The following DRGX variants were observed in gnomAD, a reference collection of about 807,000 sequenced individuals.
DRGX encodes the protein dorsal root ganglia homeobox protein.
A neutral mutation model predicts 28.6 loss-of-function variants in DRGX; 21 were observed. The ratio of observed to expected loss-of-function variants is 0.73; its 90% CI spans 0.52 to 1.06. The LOEUF is 1.06. Ranked by LOEUF, DRGX falls within the 50% of genes least tolerant of loss-of-function variation. DRGX has a pLI of 0.00. For synonymous variants in DRGX, 136 were observed against 139.1 expected (o/e 0.98, Z 0.16); for missense variants, 354 against 343.9 (o/e 1.03, Z -0.23).
intron 3 of DRGX, 140 bp downstream of exon 3, chr10:49,391,024 A>G: frequency 1.0e-6 from 1 of 977,994 alleles, no homozygotes; most frequent in South Asian, 1.6e-5. Context: ...TCCATGGCAC[A>G]TAAGTTGTTC....
Position 49,386,832 on chromosome 10 carries a change from T to C in DRGX, c.261A>G (p.Lys87=), listed in dbSNP as rs760155739. 6.3e-7 allele frequency: 1 copy of C among 1,578,084 alleles called. No homozygotes were observed. The highest frequency in any genetic ancestry group is 2.2e-5 in the East Asian group (1 of 44,500). The part of the protein sequence containing the change: ...VQVWFQNRRA[K]WRKTERGASD... ...AGGCCCCTCTCTCTGTCTTCCTCCA[T>C]TTGGCCCTTCTGTTCTGGAACCAAA... The change falls in exon 5 of 7, where the codon AAA becomes AAG. Residue 87 remains lysine (K), a synonymous_variant. Coordinates refer to ENST00000374139, the MANE Select transcript of DRGX (RefSeq NM_001276451.2).
At chr10:49,368,380 C>T (rs572415015) in intron 6 of DRGX, among the ~76,000 whole-genome samples, 1 of 152,360 alleles carries the variant, frequency 6.6e-6, no homozygotes, top group African/African-American at 2.4e-5. Context: ...CACACACGCA[C>T]AGTGTGCAAG....
chr10:49,387,377 G>A (rs1472983786), intron 4 of DRGX, among the ~76,000 whole-genome samples: 1 of 152,090 alleles, frequency 6.6e-6, no homozygotes, highest in Middle Eastern at 3.2e-3. Context: ...ATTGACTCTG[G>A]GTCAGGCGTG....
At chr10:49,394,945 G>A (rs1849948875) in intron 2 of DRGX, among the ~76,000 whole-genome samples, 1 of 152,236 alleles carries the variant, frequency 6.6e-6, no homozygotes, top group Non-Finnish European at 1.5e-5. Flanking sequence ...CAGTGTTCTC[G>A]CCAGCGGCCC....
chr10:49,395,309 A>C, intron 2 of DRGX, 98 bp downstream of exon 2: 1 of 1,450,190 alleles, frequency 6.9e-7, no homozygotes, highest in Admixed American at 2.0e-5. Flanking sequence ...CGCCCCCCGC[A>C]GGGCGGGGAC....
chr10:49,366,233 G>A lies in DRGX; in HGVS notation c.675C>T (p.Asn225=), dbSNP rs1363677284. ...EHSEAVLQSA[N]LLPSTSSSPG... ...GGCTGCTGCTGGTGGAAGGCAGGAGGTTGGCTGACTGCAGGACAGCTTCTG... is the reference window on the plus strand; with the variant it reads ...GGCTGCTGCTGGTGGAAGGCAGGAGATTGGCTGACTGCAGGACAGCTTCTG... Residue 225 remains asparagine (N), a synonymous_variant, in exon 7 of 7, where the codon AAC becomes AAT. Transcript: ENST00000374139. 2 of 1,613,908 alleles carry A rather than the reference G, an allele frequency of 1.2e-6. No individual in the cohort carries two copies. Among genetic ancestry groups the A allele is most frequent in the South Asian group, 2.2e-5 (2 of 91,080 alleles).
chr10:49,385,908 G>A (rs367676890), intron 6 of DRGX, among the ~76,000 whole-genome samples: 1 of 152,116 alleles, frequency 6.6e-6, no homozygotes, highest in African/African-American at 2.4e-5. Flanking sequence ...CAGTGAGTCT[G>A]CTCAGAAATC....
intron 2 of DRGX, among the ~76,000 whole-genome samples, chr10:49,394,232 T>C (rs1372945908): frequency 6.6e-6 from 1 of 152,180 alleles, no homozygotes; most frequent in African/African-American, 2.4e-5. Context: ...TGGTCCTCAT[T>C]AGCCTCCTTT....
At chr10:49,367,768 C>A (rs1338170442) in intron 6 of DRGX, among the ~76,000 whole-genome samples, 1 of 152,244 alleles carries the variant, frequency 6.6e-6, no homozygotes, top group African/African-American at 2.4e-5. Context: ...AGCTCCCCTG[C>A]AGTCCTGGAC....
In DRGX at chr10:49,394,743, A is replaced by G. The variant is rs183046790; in HGVS notation, c.34+664T>C. On this transcript the variant is annotated intron_variant, in intron 2 of 6. Coordinates refer to ENST00000374139, the MANE Select transcript of DRGX (RefSeq NM_001276451.2). ...AGGGGAAATTTCTTCTCAGGCCTGG[A>G]GACACTCAAAGATGGAAATTCTGGC... is the stretch of plus-strand genomic sequence containing the variant. Among the ~76,000 whole-genome samples the G allele has an allele frequency of 1.7e-3, 255 of 152,330 alleles. 1 individual carries two copies. The highest frequency in any genetic ancestry group is 5.9e-3 in the African/African-American group (244 of 41,570).
chr10:49,366,299 C>T lies in DRGX; in HGVS notation c.609G>A (p.Thr203=), dbSNP rs748609775. The change falls in exon 7 of 7, where the codon ACG becomes ACA. Residue 203 remains threonine, a synonymous_variant. Transcript: ENST00000374139. The part of the protein sequence containing the change: ...LPTYGCQSNR[T]ASVATLRMKA... ...TCATGCGCAGGGTGGCCACGCTGGC[C>T]GTGCGGTTACTCTGGCAGCCATAGG... is the stretch of plus-strand genomic sequence containing the variant. The T allele has an allele frequency of 6.2e-6, 10 of 1,613,742 alleles. No individual in the cohort carries two copies. In the African/African-American group the frequency reaches 6.7e-5, roughly 11 times the overall value.
intron 6 of DRGX, among the ~76,000 whole-genome samples, chr10:49,367,209 A>T (rs1377590320): frequency 6.6e-6 from 1 of 152,114 alleles, no homozygotes; most frequent in African/African-American, 2.4e-5. Context: ...AAAATAAAAA[A>T]TAAATTAACC....
chr10:49,385,133 A>G (rs1034271020), intron 6 of DRGX, among the ~76,000 whole-genome samples: 6 of 152,218 alleles, frequency 3.9e-5, no homozygotes, highest in African/African-American at 1.4e-4. Flanking sequence ...AATATGTCCC[A>G]ATGTTGCTCT....
At chr10:49,384,020 G>A (rs1328906411) in intron 6 of DRGX, among the ~76,000 whole-genome samples, 2 of 152,246 alleles carry the variant, frequency 1.3e-5, no homozygotes, top group Non-Finnish European at 2.9e-5. Flanking sequence ...ACAATCAGCT[G>A]GCTGAGCAAC....
intron 2 of DRGX, 103 bp from the exon 3 acceptor site, chr10:49,391,364 A>G: frequency 1.2e-6 from 1 of 849,566 alleles, no homozygotes; most frequent in Non-Finnish European, 1.9e-6. Context: ...CCAGACAGGA[A>G]GCCCTGTTTG....
At chr10:49,393,022 C>T (rs1744158210) in intron 2 of DRGX, among the ~76,000 whole-genome samples, 1 of 151,854 alleles carries the variant, frequency 6.6e-6, no homozygotes, top group South Asian at 2.1e-4. Context: ...TTGACAACAT[C>T]CATCAAAAAT....
chr10:49,370,175 C>G (rs746749543), intron 6 of DRGX, among the ~76,000 whole-genome samples: 5 of 152,076 alleles, frequency 3.3e-5, no homozygotes, highest in Non-Finnish European at 7.4e-5. Context: ...GAGGCCTAGA[C>G]GAGTGGATCA....
At chr10:49,384,905 G>T (rs373723233) in intron 6 of DRGX, among the ~76,000 whole-genome samples, 437 of 152,336 alleles carry the variant, frequency 2.9e-3, no homozygotes, top group African/African-American at 9.9e-3. Context: ...GCCAGAGTAG[G>T]GCGAGCGACC....
intron 6 of DRGX, among the ~76,000 whole-genome samples, chr10:49,382,759 G>A (rs946126578): frequency 2.0e-5 from 3 of 152,044 alleles, no homozygotes; most frequent in African/African-American, 4.8e-5. Context: ...TCTCCTCCTC[G>A]CCCCTGGAAT....
Sources: gnomAD v4.1 joint callset for allele counts (sites outside exome capture counted in the v4.1 genomes callset) on GRCh38, gnomAD v4.1.1 for gene constraint, MANE v1.5 for transcripts, NCBI Gene and HGNC (gene_info 2026-07-23, HGNC 2026-07-21) for gene names.